Variants in VSX2 observed in about 807,000 individuals in gnomAD.
The protein encoded by VSX2 is ceh-10 homeo domain containing homolog.
A neutral mutation model predicts 32.1 loss-of-function variants in VSX2; 28 were observed. The ratio of observed to expected loss-of-function variants is 0.87; its 90% confidence interval spans 0.65 to 1.20. VSX2 has a LOEUF of 1.20. Ranked by LOEUF, VSX2 falls within the 50% of genes most tolerant of loss-of-function variation. The pLI is 0.00. For missense variants in VSX2, 506 were observed against 488.7 expected, an observed-to-expected ratio of 1.04 and a Z score of -0.33; for synonymous variants, 243 against 214.1, an observed-to-expected ratio of 1.14 and a Z score of -1.18.
At position 74,241,204 on chromosome 14, in the gene VSX2, C is replaced by G; in HGVS notation, c.393C>G (p.Ser131Arg). The G allele has an allele frequency of 6.2e-7, 1 of 1,613,430 alleles. No homozygotes were observed. Among genetic ancestry groups the G allele is most frequent in the Non-Finnish European group, 8.5e-7 (1 of 1,179,996 alleles). The change falls in exon 2 of 5, where the codon AGC becomes AGG. Residue 131 changes from serine to arginine, a missense_variant. Ser to Arg is a moderately radical substitution (Grantham distance 110). Coordinates refer to ENST00000261980, the MANE Select transcript of VSX2 (RefSeq NM_182894.3). ...CAGATTCTGAAGATGTTTCCTCCAG[C>G]GATCGAAAAATGTCCAAATCTGCTT... ...ASSDSEDVSS[S>R]DRKMSKSALN...
rs144840915 is a variant in VSX2 at position 74,260,973 on chromosome 14, G to A, written c.*54G>A. On this transcript the variant is annotated 3_prime_UTR_variant, in exon 5 of 5. Transcript: ENST00000261980. Reference sequence around the variant, plus strand: ...CAAGACTCTGCTCTCCTCGGGCCCTGTGGTGCTGGGAGATGCTCTCTGAGG... The same window carrying A: ...CAAGACTCTGCTCTCCTCGGGCCCTATGGTGCTGGGAGATGCTCTCTGAGG... The A allele has an allele frequency of 1.2e-3, 1,772 of 1,540,780 alleles. 12 individuals are homozygous for A. In the African/African-American group the frequency reaches 0.021, roughly 18 times the overall value.
intron 2 of VSX2, 33 bp downstream of exon 2, chr14:74,241,299 C>T: frequency 6.3e-7 from 1 of 1,599,034 alleles, no homozygotes; most frequent in Non-Finnish European, 8.5e-7. Flanking sequence ...CCTCTCCTGC[C>T]CGCGCACCCC....
chr14:74,258,434 C>A (rs1000758341), intron 3 of VSX2, among the ~76,000 whole-genome samples: 3 of 152,150 alleles, frequency 2.0e-5, no homozygotes, highest in Non-Finnish European at 4.4e-5. Flanking sequence ...CGGCCCAGAC[C>A]CAGGCAAGGA....
chr14:74,241,150 C>G, intron 1 of VSX2, 32 bp from the exon 2 acceptor site: 1 of 1,609,340 alleles, frequency 6.2e-7, no homozygotes, highest in Non-Finnish European at 8.5e-7. Context: ...GCGTCCCCCA[C>G]TCTGCCGCAT....
chr14:74,245,370 C>T (rs2079185815), intron 3 of VSX2, 82 bp downstream of exon 3: 13 of 1,577,932 alleles, frequency 8.2e-6, no homozygotes, highest in Middle Eastern at 1.8e-4. Flanking sequence ...ATGCCCATGA[C>T]CCCGCCTCCC....
chr14:74,260,933 C>T lies in VSX2; in HGVS notation c.*14C>T, dbSNP rs1398365726. 2 of 1,551,036 alleles carry T rather than the reference C, an allele frequency of 1.3e-6. No homozygotes were observed. The highest frequency in any genetic ancestry group is 1.4e-5 in the African/African-American group (1 of 73,026). ...GACATGGCTTAGGTCAAGGCGCGCT[C>T]AGATGCCGGAGCCCCAAGACTCTGC... On this transcript the variant is annotated 3_prime_UTR_variant, in exon 5 of 5. Coordinates refer to ENST00000261980, the MANE Select transcript of VSX2 (RefSeq NM_182894.3).
chr14:74,242,867 G>A (rs1457540494), intron 2 of VSX2, among the ~76,000 whole-genome samples: 3 of 152,054 alleles, frequency 2.0e-5, no homozygotes, highest in African/African-American at 7.2e-5. Flanking sequence ...GTACAGGAAT[G>A]GCATTTCCGC....
At chr14:74,249,935 C>G (rs1332310874) in intron 3 of VSX2, among the ~76,000 whole-genome samples, 1 of 151,948 alleles carries the variant, frequency 6.6e-6, no homozygotes, top group African/African-American at 2.4e-5. Context: ...TCAGGCACAC[C>G]GTCTTCTTTG....
Position 74,241,204 on chromosome 14 carries a change from C to A in VSX2, c.393C>A (p.Ser131Arg). The change falls in exon 2 of 5, where the codon AGC (serine) becomes AGA (arginine). Residue 131 changes from serine (S) to arginine (R), a missense_variant. Coordinates refer to ENST00000261980, the MANE Select transcript of VSX2 (RefSeq NM_182894.3). ...ASSDSEDVSSSDRKMSKSALN... is the reference protein window; with the variant it reads ...ASSDSEDVSSRDRKMSKSALN... ...CAGATTCTGAAGATGTTTCCTCCAG[C>A]GATCGAAAAATGTCCAAATCTGCTT... 3.1e-6 allele frequency: 5 copies of A among 1,613,430 alleles called. No individual in the cohort carries two copies. The highest frequency in any genetic ancestry group is 3.3e-4 in the Middle Eastern group (2 of 6,062).
At chr14:74,245,118 C>A (rs1442110340) in intron 2 of VSX2, 47 bp from the exon 3 acceptor site, 4 of 1,612,000 alleles carry the variant, frequency 2.5e-6, no homozygotes, top group Non-Finnish European at 3.4e-6. Context: ...CTGAGACAGG[C>A]TCTTTTAGTT....
At chr14:74,240,556 G>C (rs1010644758) in intron 1 of VSX2, among the ~76,000 whole-genome samples, 14 of 152,124 alleles carry the variant, frequency 9.2e-5, no homozygotes, top group African/African-American at 3.1e-4. Context: ...CCTTCTCCCC[G>C]CGCTGCTTTC....
chr14:74,257,844 C>T (rs536641138), intron 3 of VSX2, among the ~76,000 whole-genome samples: 1 of 152,192 alleles, frequency 6.6e-6, no homozygotes, highest in African/African-American at 2.4e-5. Context: ...AAATCAAATT[C>T]TTCGCCGTAT....
rs11383441 is a variant in VSX2 at position 74,259,812 on chromosome 14, G to GC, written c.760+33dup. 1,602,775 of 1,602,810 alleles carry GC rather than the reference G, an allele frequency of 1. 801,370 individuals are homozygous for GC. Among genetic ancestry groups the GC allele is most frequent in the Middle Eastern group, 1 (5,634 of 5,634 alleles). ...GAGCCCGCACCCTCCTTGGGGTCCTGCCCTGCGGTGAGGAGAGCGGGCTCC... is the reference window on the plus strand; with the variant it reads ...GAGCCCGCACCCTCCTTGGGGTCCTGCCCCTGCGGTGAGGAGAGCGGGCTCC... On this transcript the variant is annotated intron_variant, in intron 4 of 4. Transcript: ENST00000261980.
chr14:74,239,487 G>C lies in VSX2; in HGVS notation c.-75G>C. ...GGAGGGGGCACCTGGGACCAACTTC[G>C]CGAAGCGGGAAGCCCGGCGGGGGGG... On this transcript the variant is annotated 5_prime_UTR_variant, in exon 1 of 5. Coordinates refer to ENST00000261980, the MANE Select transcript of VSX2 (RefSeq NM_182894.3). 6.5e-7 allele frequency: 1 copy of C among 1,546,426 alleles called. No homozygotes were observed. Among genetic ancestry groups the C allele is most frequent in the Non-Finnish European group, 8.7e-7 (1 of 1,145,336 alleles).
At chr14:74,257,719 C>CT (rs1401954002) in intron 3 of VSX2, among the ~76,000 whole-genome samples, 6 of 150,700 alleles carry the variant, frequency 4.0e-5, no homozygotes, top group Non-Finnish European at 7.4e-5. Context: ...ACCCCCCACC[C>CT]ACTTCCCCCG....
Position 74,259,612 on chromosome 14 carries a change from A to AGAACCG in VSX2, c.591_596dup (p.Asn198_Arg199dup). Reference sequence around the variant, plus strand: ...TCTGTGCACCTGCAGGTCTGGTTCCAGAACCGTCGAGCCAAGTGGAGGAAG... The same window carrying AGAACCG: ...TCTGTGCACCTGCAGGTCTGGTTCCAGAACCGGAACCGTCGAGCCAAGTGGAGGAAG... On this transcript the variant is annotated inframe_insertion, in exon 4 of 5. Transcript: ENST00000261980. 2 of 1,614,188 alleles carry AGAACCG rather than the reference A, an allele frequency of 1.2e-6. No homozygotes were observed. The highest frequency in any genetic ancestry group is 1.7e-6 in the Non-Finnish European group (2 of 1,180,026).
intron 3 of VSX2, among the ~76,000 whole-genome samples, chr14:74,253,245 T>A (rs2139641292): frequency 6.6e-6 from 1 of 152,148 alleles, no homozygotes; most frequent in East Asian, 1.9e-4. Context: ...CGCAGGGTCT[T>A]CTGAAGAGCT....
chr14:74,240,081 T>A (rs2079139495), intron 1 of VSX2, 150 bp downstream of exon 1: 4 of 1,059,596 alleles, frequency 3.8e-6, no homozygotes, highest in South Asian at 1.7e-5. Flanking sequence ...CCGACGCGCC[T>A]GGTGATGGGG....
At chr14:74,259,878 C>A in intron 4 of VSX2, 96 bp downstream of exon 4, 1 of 1,290,846 alleles carries the variant, frequency 7.7e-7, no homozygotes, top group Non-Finnish European at 1.1e-6. Context: ...GGCACTTGGG[C>A]CACAGCAGCC....
Sources: gnomAD v4.1 joint callset for allele counts (sites outside exome capture counted in the v4.1 genomes callset) on GRCh38, gnomAD v4.1.1 for gene constraint, MANE v1.5 for transcripts, NCBI Gene and HGNC (gene_info 2026-07-23, HGNC 2026-07-21) for gene names.